The following WWP1 variants were observed in gnomAD, a reference collection of about 807,000 sequenced individuals.
WWP1 encodes the protein WW domain containing E3 ubiquitin protein ligase 1, also known as NEDD4-like E3 ubiquitin-protein ligase WWP1.
In WWP1, 49 loss-of-function variants were observed where a neutral mutation model predicts 130.6. That is an observed-to-expected ratio of 0.38 (90% confidence interval 0.30 to 0.48). The LOEUF (loss-of-function observed/expected upper bound fraction) is 0.48. WWP1 is among the 20% of genes least tolerant of loss of function. The probability of loss-of-function intolerance (pLI) is 0.99; values close to 1 mark genes in which losing one functional copy is unlikely to be tolerated. For synonymous variants in WWP1, 332 were observed against 367.8 expected, an observed-to-expected ratio of 0.90 and a Z score of 1.11; for missense variants, 809 against 1,100.6, an observed-to-expected ratio of 0.74 and a Z score of 3.75.
rs1295157535 is a variant in WWP1, at chr8:86,362,268, CT to C, written c.-114-6660del. On this transcript the variant is annotated intron_variant, in intron 1 of 24. Transcript: ENST00000517970. ...CCTAGTTTCTTTGATTATTGATCAC[CT>C]TTTTTTTTTTCACATGGTAAATTGA... is the stretch of plus-strand genomic sequence containing the variant. Among the ~76,000 whole-genome samples the C allele has an allele frequency of 2.9e-3, 361 of 123,662 alleles. 1 individual carries two copies. Among genetic ancestry groups the C allele is most frequent in the Middle Eastern group, 0.02 (4 of 202 alleles). The allele number at this position is 123,662 out of a possible 152,430, so 81.1% of individuals were successfully genotyped here.
intron 18 of WWP1, 32 bp from the exon 19 acceptor site, chr8:86,448,116 T>C: frequency 6.5e-7 from 1 of 1,530,158 alleles, no homozygotes; most frequent in Non-Finnish European, 8.7e-7. Context: ...ATTTTGCAAA[T>C]TTTAAATAAA....
At chr8:86,380,958 A>G in intron 4 of WWP1, 94 bp downstream of exon 4, 2 of 1,355,874 alleles carry the variant, frequency 1.5e-6, no homozygotes, top group Non-Finnish European at 1.9e-6. Context: ...CAAAGTAATG[A>G]GTGATTTTTT....
At chr8:86,378,476 G>T (rs768488474) in intron 3 of WWP1, among the ~76,000 whole-genome samples, 6 of 152,010 alleles carry the variant, frequency 3.9e-5, no homozygotes, top group Non-Finnish European at 8.8e-5. Context: ...CCTCTCACAG[G>T]TGACTCATTT....
chr8:86,438,565 A>G lies in WWP1; in HGVS notation c.1750-20A>G. The G allele has an allele frequency of 3.8e-6, 6 of 1,561,588 alleles. No individual in the cohort carries two copies. The highest frequency in any genetic ancestry group is 5.2e-6 in the Non-Finnish European group (6 of 1,154,660). ...TACTGCATGTGAGTATTTAATATTCATGTTTTTGTTTTTAATTAGATTATG... is the reference window on the plus strand; with the variant it reads ...TACTGCATGTGAGTATTTAATATTCGTGTTTTTGTTTTTAATTAGATTATG... On this transcript the variant is annotated intron_variant, in intron 16 of 24. Coordinates refer to ENST00000517970, the MANE Select transcript of WWP1 (RefSeq NM_007013.4).
chr8:86,376,362 AGTTTG>A (rs1308232053), intron 3 of WWP1, among the ~76,000 whole-genome samples: 1 of 152,162 alleles, frequency 6.6e-6, no homozygotes, highest in African/African-American at 2.4e-5. Context: ...TGAGGCCAGG[AGTTTG>A]TGACTGGCCT....
At chr8:86,427,324 C>A (rs192155026) in intron 10 of WWP1, among the ~76,000 whole-genome samples, 1 of 151,926 alleles carries the variant, frequency 6.6e-6, no homozygotes, top group Admixed American at 6.6e-5. Flanking sequence ...CTGCAGCAAA[C>A]GACCATGGCA....
rs757090241 is a variant in WWP1, at chr8:86,435,453, A to G, written c.1603A>G (p.Thr535Ala). Residue 535 changes from threonine (T) to alanine (A), a missense_variant and splice_region_variant, in exon 15 of 25, where the codon ACT (threonine) becomes GCT (alanine). Around this residue, in one of 3 missense-constraint regions of WWP1, gnomAD observed 450 missense variants for 674.2 expected, o/e 0.67. Coordinates refer to ENST00000517970, the MANE Select transcript of WWP1 (RefSeq NM_007013.4). ...TGGTTTATTTTTGTTTTTCTTTAGA[A>G]CTAAAGGTGGTCCACAAATTGCTTA... ...KDPRNGKSSV[T>A]KGGPQIAYER... The G allele has an allele frequency of 6.2e-7, 1 of 1,614,084 alleles. No homozygotes were observed. Among genetic ancestry groups the G allele is most frequent in the East Asian group, 2.2e-5 (1 of 44,868 alleles).
At position 86,430,798 on chromosome 8, in the gene WWP1, CATATATATATAT is replaced by C. The variant is rs36226595; in HGVS notation, c.1387+70_1387+81del. The C allele has an allele frequency of 3.1e-3, 634 of 202,018 alleles. 5 individuals are homozygous for C. Among genetic ancestry groups the C allele is most frequent in the South Asian group, 0.027 (190 of 7,132 alleles). 12.5% of individuals were successfully genotyped at this position (202,018 alleles called of 1,614,324 possible). On this transcript the variant is annotated intron_variant, in intron 12 of 24. Coordinates refer to ENST00000517970, the MANE Select transcript of WWP1 (RefSeq NM_007013.4). ...TCTATAAGGGAGATATATATCTCTC[CATATATATATAT>C]ATATATATATATATATATATATGTT... is the stretch of plus-strand genomic sequence containing the variant.
chr8:86,411,627 A>C lies in WWP1; in HGVS notation c.814A>C (p.Asn272His). The C allele has an allele frequency of 6.2e-7, 1 of 1,614,152 alleles. No individual in the cohort carries two copies. Among genetic ancestry groups the C allele is most frequent in the Non-Finnish European group, 8.5e-7 (1 of 1,180,014 alleles). The stretch of plus-strand genomic sequence containing the variant: ...GTCTGAAGAAAATGCCTTGTCTCCA[A>C]ATTGCACTAGTACTACTGTTGAAGA... ...VVSEENALSP[N>H]CTSTTVEDPP... The change falls in exon 9 of 25, where the codon AAT becomes CAT. Residue 272 changes from asparagine to histidine, a missense_variant. Around this residue, in one of 3 missense-constraint regions of WWP1, gnomAD observed 262 missense variants for 346.0 expected, o/e 0.76. Coordinates refer to ENST00000517970, the MANE Select transcript of WWP1 (RefSeq NM_007013.4).
chr8:86,382,759 C>T (rs1825053873), intron 5 of WWP1, among the ~76,000 whole-genome samples: 1 of 152,234 alleles, frequency 6.6e-6, no homozygotes, highest in South Asian at 2.1e-4. Flanking sequence ...AATGATTTCT[C>T]ACACCACAAT....
chr8:86,390,172 G>A (rs901536606), intron 5 of WWP1, among the ~76,000 whole-genome samples: 3 of 151,844 alleles, frequency 2.0e-5, no homozygotes, highest in African/African-American at 7.3e-5. Context: ...CTTCCTAGAC[G>A]GGATGGCGGC....
Position 86,380,850 on chromosome 8 carries a change from T to C in WWP1, c.195T>C (p.Asp65=). 6.2e-7 allele frequency: 1 copy of C among 1,612,088 alleles called. No homozygotes were observed. Among genetic ancestry groups the C allele is most frequent in the Non-Finnish European group, 8.5e-7 (1 of 1,179,184 alleles). The change falls in exon 4 of 25, where the codon GAT becomes GAC. Residue 65 remains aspartate (D), a synonymous_variant. Coordinates refer to ENST00000517970, the MANE Select transcript of WWP1 (RefSeq NM_007013.4). ...KSSSSSNPKW[D]EQLTVNVTPQ... is the part of the protein sequence containing the mutation. ...GTAGTTCTTCTAATCCAAAATGGGATGAACAGCTAACTGTGTAAGTACCTT... is the reference window on the plus strand; with the variant it reads ...GTAGTTCTTCTAATCCAAAATGGGACGAACAGCTAACTGTGTAAGTACCTT...
intron 1 of WWP1, among the ~76,000 whole-genome samples, chr8:86,361,958 T>A (rs1398882370): frequency 7.1e-6 from 1 of 141,706 alleles, no homozygotes; most frequent in Non-Finnish European, 1.6e-5. Context: ...CCTGAAAATA[T>A]GCCTAGTGTG....
At chr8:86,410,347 G>A (rs1233790419) in intron 8 of WWP1, among the ~76,000 whole-genome samples, 1 of 152,012 alleles carries the variant, frequency 6.6e-6, no homozygotes, top group East Asian at 1.9e-4. Flanking sequence ...TTCCATTGCT[G>A]CTCTGATTTG....
chr8:86,423,317 G>A (rs1563518124), intron 9 of WWP1, among the ~76,000 whole-genome samples: 1 of 152,092 alleles, frequency 6.6e-6, no homozygotes. Flanking sequence ...GGGAAGGTCA[G>A]CAGATAAACA....
At chr8:86,443,570 G>A (rs1458674129) in intron 18 of WWP1, among the ~76,000 whole-genome samples, 6 of 152,158 alleles carry the variant, frequency 3.9e-5, no homozygotes, top group African/African-American at 1.4e-4. Flanking sequence ...CTACTGTAAT[G>A]CCAAGCACTG....
At chr8:86,454,794 C>T (rs564328397) in intron 21 of WWP1, among the ~76,000 whole-genome samples, 122 of 152,070 alleles carry the variant, frequency 8.0e-4, no homozygotes, top group African/African-American at 2.8e-3. Flanking sequence ...ACATACTGCC[C>T]TGTATGTGGG....
Position 86,427,657 on chromosome 8 carries a change from TTGA to T in WWP1, c.1177_1179del (p.Asp393del). On this transcript the variant is annotated inframe_deletion, in exon 11 of 25. Coordinates refer to ENST00000517970, the MANE Select transcript of WWP1 (RefSeq NM_007013.4). Reference sequence around the variant, plus strand: ...ACTTGTGGTAGTTGGGAAAGAAGAGTTGATGATCGTAGAAGAGTTTATTATGTG... The same window carrying T: ...ACTTGTGGTAGTTGGGAAAGAAGAGTTGATCGTAGAAGAGTTTATTATGTG... The T allele has an allele frequency of 6.2e-7, 1 of 1,606,380 alleles. No homozygotes were observed. Among genetic ancestry groups the T allele is most frequent in the Non-Finnish European group, 8.5e-7 (1 of 1,175,210 alleles).
chr8:86,411,898 G>A, intron 9 of WWP1, 24 bp downstream of exon 9: 1 of 1,561,944 alleles, frequency 6.4e-7, no homozygotes, highest in Non-Finnish European at 8.7e-7. Context: ...TTTAATGTCT[G>A]ACTTGCATTT....
Sources: allele counts gnomAD v4.1 joint callset (sites outside exome capture counted in the v4.1 genomes callset), GRCh38; gene constraint gnomAD v4.1.1; regional missense constraint gnomAD v4.1.1; transcripts MANE v1.5; gene names NCBI Gene and HGNC (gene_info 2026-07-23, HGNC 2026-07-21).